The following CDH11 variants were observed in gnomAD, a reference collection of about 807,000 sequenced individuals.
CDH11 encodes cadherin 11.
A neutral mutation model predicts 67.8 loss-of-function variants in CDH11; 11 were observed. The observed-to-expected ratio is 0.16, with a 90% CI of 0.10 to 0.27. The LOEUF is 0.27. Among genes scored for constraint, CDH11 ranks in the 10% least tolerant of loss-of-function variants. CDH11 has a pLI of 1.00. For missense variants in CDH11, 847 were observed against 1,031.2 expected (o/e 0.82, Z 2.45); for synonymous variants, 419 against 400.0 (o/e 1.05, Z -0.57).
At chr16:64,992,837 A>C in intron 5 of CDH11, 78 bp downstream of exon 5, 1 of 1,347,804 alleles carries the variant, frequency 7.4e-7, no homozygotes, top group Non-Finnish European at 1.0e-6. Flanking sequence ...GAGAAAACAG[A>C]GTATTAAATA....
intron 1 of CDH11, among the ~76,000 whole-genome samples, chr16:65,055,503 A>G (rs1597140536): frequency 6.6e-6 from 1 of 152,108 alleles, no homozygotes; most frequent in East Asian, 1.9e-4. Context: ...CCTATCCTAC[A>G]CCTGTCCCAC....
intron 1 of CDH11, among the ~76,000 whole-genome samples, chr16:65,071,118 G>A (rs1173044428): frequency 1.3e-5 from 2 of 152,196 alleles, no homozygotes; most frequent in African/African-American, 4.8e-5. Context: ...GCAGAAGAGT[G>A]GCCACAGAGC....
intron 9 of CDH11, among the ~76,000 whole-genome samples, chr16:64,972,644 G>C (rs1161636424): frequency 6.6e-6 from 1 of 152,154 alleles, no homozygotes; most frequent in East Asian, 1.9e-4. Context: ...ATCTTTCAGT[G>C]ATGGTTATGA....
At chr16:65,018,898 G>A (rs918618328) in intron 2 of CDH11, among the ~76,000 whole-genome samples, 3 of 152,110 alleles carry the variant, frequency 2.0e-5, no homozygotes, top group Non-Finnish European at 4.4e-5. Flanking sequence ...TGTCTGTGGA[G>A]GACAAAAAGT....
chr16:65,068,247 T>C (rs1330087273), intron 1 of CDH11, among the ~76,000 whole-genome samples: 2 of 150,562 alleles, frequency 1.3e-5, no homozygotes, highest in Non-Finnish European at 3.0e-5. Context: ...GAAGGGAAAC[T>C]GCAAGATAAA....
intron 1 of CDH11, among the ~76,000 whole-genome samples, chr16:65,055,131 C>G (rs1040339685): frequency 6.6e-6 from 1 of 152,202 alleles, no homozygotes; most frequent in African/African-American, 2.4e-5. Context: ...ATGCTACATG[C>G]AGCAGTTCAC....
intron 2 of CDH11, among the ~76,000 whole-genome samples, chr16:65,029,254 G>C (rs996200074): frequency 1.3e-5 from 2 of 151,958 alleles, no homozygotes; most frequent in African/African-American, 4.8e-5. Context: ...GGAGAGGATG[G>C]AGATGTCACT....
At chr16:65,020,160 C>T (rs2073393352) in intron 2 of CDH11, among the ~76,000 whole-genome samples, 1 of 152,166 alleles carries the variant, frequency 6.6e-6, no homozygotes, top group Non-Finnish European at 1.5e-5. Context: ...GGCTAACAAC[C>T]TATGTCCATC....
chr16:65,053,958 C>A, intron 1 of CDH11, 30 bp from the exon 2 acceptor site: 1 of 455,578 alleles, frequency 2.2e-6, no homozygotes, highest in Non-Finnish European at 4.4e-6. Context: ...CATTAGTAAC[C>A]TAGTGGTGCC....
intron 2 of CDH11, among the ~76,000 whole-genome samples, chr16:65,029,957 T>C (rs1019936019): frequency 1.3e-5 from 2 of 152,186 alleles, no homozygotes; most frequent in Non-Finnish European, 2.9e-5. Flanking sequence ...TTATGTCTCA[T>C]GATAAACCAA....
intron 1 of CDH11, among the ~76,000 whole-genome samples, chr16:65,093,909 G>A (rs2074837852): frequency 6.6e-6 from 1 of 152,172 alleles, no homozygotes. Flanking sequence ...TTCCTTGGAT[G>A]AATATTAGAA....
At chr16:65,096,439 GTGTGTA>G (rs749296044) in intron 1 of CDH11, among the ~76,000 whole-genome samples, 3 of 141,718 alleles carry the variant, frequency 2.1e-5, no homozygotes, top group Admixed American at 7.2e-5. Flanking sequence ...GTGTGTGTGT[GTGTGTA>G]TATATATGTT....
chr16:64,947,856 T>C lies in CDH11; in HGVS notation c.2138A>G (p.Asn713Ser), dbSNP rs151086244. 3.3e-5 allele frequency: 54 copies of C among 1,614,078 alleles called. No homozygotes were observed. The highest frequency in any genetic ancestry group is 4.4e-5 in the Non-Finnish European group (52 of 1,180,024). ...GATGAAGTCATCGACATCCACGCTG[T>C]TGGGCGCTGGCCGGAGCCCAGGTCT... ...MPRPGLRPAP[N>S]SVDVDDFINT... The change falls in exon 13 of 13, where the codon AAC (asparagine) becomes AGC (serine). Residue 713 changes from asparagine to serine, a missense_variant. Asn to Ser is a conservative substitution (Grantham distance 46). Coordinates refer to ENST00000268603, the MANE Select transcript of CDH11 (RefSeq NM_001797.4).
chr16:65,096,407 G>GTA (rs2074892610), intron 1 of CDH11, among the ~76,000 whole-genome samples: 2 of 23,416 alleles, frequency 8.5e-5, no homozygotes, highest in Non-Finnish European at 3.1e-4. Context: ...ATCTTTCGGG[G>GTA]TGTGTGTGTG....
At chr16:65,006,195 G>A (rs577963492) in intron 2 of CDH11, among the ~76,000 whole-genome samples, 8 of 152,186 alleles carry the variant, frequency 5.3e-5, no homozygotes, top group Non-Finnish European at 1.0e-4. Flanking sequence ...AATCAGATGA[G>A]TTCACCACCA....
chr16:65,047,324 C>A (rs1224545932), intron 2 of CDH11, among the ~76,000 whole-genome samples: 1 of 151,656 alleles, frequency 6.6e-6, no homozygotes, highest in Admixed American at 6.6e-5. Flanking sequence ...TCTGTAGACT[C>A]TTTTTCACCT....
chr16:64,950,718 G>T (rs1051867226), intron 12 of CDH11, 49 bp downstream of exon 12: 2 of 1,593,346 alleles, frequency 1.3e-6, no homozygotes, highest in East Asian at 4.5e-5. Flanking sequence ...TCAAGGAGGG[G>T]CATCCGGTTG....
chr16:65,099,442 ATGGCCTCAGAGATGGAC>A (rs1181306310), intron 1 of CDH11, among the ~76,000 whole-genome samples: 98 of 152,258 alleles, frequency 6.4e-4, no homozygotes, highest in African/African-American at 2.3e-3. Context: ...GACATAGCAA[ATGGCCTCAGAGATGGAC>A]TGTAACTCAA....
At chr16:64,959,527 G>A (rs1347938614) in intron 11 of CDH11, among the ~76,000 whole-genome samples, 1 of 152,140 alleles carries the variant, frequency 6.6e-6, no homozygotes, top group Non-Finnish European at 1.5e-5. Flanking sequence ...GATCTACCAA[G>A]AAGATCTATT....
Sources: gnomAD v4.1 joint callset for allele counts (sites outside exome capture counted in the v4.1 genomes callset) on GRCh38, gnomAD v4.1.1 for gene constraint, MANE v1.5 for transcripts, NCBI Gene and HGNC (gene_info 2026-07-23, HGNC 2026-07-21) for gene names.